The following KCNK3 variants were observed in gnomAD, a reference collection of about 807,000 sequenced individuals.
KCNK3 encodes potassium two pore domain channel subfamily K member 3.
In KCNK3, 9 loss-of-function variants were observed where a neutral mutation model predicts 27.3. The ratio of observed to expected loss-of-function variants is 0.33; its 90% CI spans 0.20 to 0.57. KCNK3 has a LOEUF of 0.57. KCNK3 is among the 20% of genes least tolerant of loss of function. KCNK3 has a pLI of 0.87. For missense variants in KCNK3, 391 were observed against 577.7 expected (o/e 0.68, Z 3.31); for synonymous variants, 278 against 273.8 (o/e 1.02, Z -0.15).
intron 1 of KCNK3, among the ~76,000 whole-genome samples, chr2:26,716,068 C>T (rs548202315): frequency 5.9e-5 from 9 of 152,300 alleles, no homozygotes; most frequent in African/African-American, 1.7e-4. Context: ...AGCGTCTTGC[C>T]TGGGATCACA....
chr2:26,706,298 C>A (rs537773957), intron 1 of KCNK3, among the ~76,000 whole-genome samples: 4 of 152,126 alleles, frequency 2.6e-5, no homozygotes, highest in African/African-American at 4.8e-5. Flanking sequence ...CCCCTCCCCC[C>A]CAGAGGAGGA....
rs60353463 is a variant in KCNK3 at position 26,725,730 on chromosome 2, G to A, written c.284-1937G>A. Reference sequence around the variant, plus strand: ...CAAATGGTGACACAGTTACTGGCCCGACGCTGTGGAGGGGGTCAGGGGAGC... The same window carrying A: ...CAAATGGTGACACAGTTACTGGCCCAACGCTGTGGAGGGGGTCAGGGGAGC... On this transcript the variant is annotated intron_variant, in intron 1 of 1. Transcript: ENST00000302909. Among the ~76,000 whole-genome samples the A allele has an allele frequency of 7.2e-3, 1,090 of 152,298 alleles. 15 individuals are homozygous for A. Among genetic ancestry groups the A allele is most frequent in the African/African-American group, 0.025 (1,021 of 41,560 alleles).
In KCNK3 at chr2:26,732,178, C is replaced by T. The variant is rs950588334; in HGVS notation, c.*3610C>T. ...GCTCCCCAGGTCAGCTACAGCGACC[C>T]CCGGACTTCATAGAGTACAATCCAC... On this transcript the variant is annotated 3_prime_UTR_variant, in exon 2 of 2. Coordinates refer to ENST00000302909, the MANE Select transcript of KCNK3 (RefSeq NM_002246.3). 6.6e-6 allele frequency: 1 copy of T among 151,936 alleles called. No individual in the cohort carries two copies. Among genetic ancestry groups the T allele is most frequent in the East Asian group, 1.9e-4 (1 of 5,192 alleles). The allele number at this position is 151,936 out of a possible 1,614,324, so 9.4% of individuals were successfully genotyped here.
At chr2:26,699,245 G>GAAAGAAA in intron 1 of KCNK3, among the ~76,000 whole-genome samples, 1 of 150,782 alleles carries the variant, frequency 6.6e-6, no homozygotes, top group African/African-American at 2.5e-5. Flanking sequence ...AAGAAAGAAA[G>GAAAGAAA]AAAGAAAGCC....
rs2148039123 is a variant in KCNK3 at position 26,728,539 on chromosome 2, G to T, written c.1156G>T (p.Gly386Cys). The change falls in exon 2 of 2, where the codon GGC becomes TGC. Residue 386 changes from glycine (G) to cysteine (C), a missense_variant. Gly to Cys is a radical substitution (Grantham distance 159, BLOSUM62 -3). Around this residue, in one of 4 missense-constraint regions of KCNK3, gnomAD observed 192 missense variants for 196.0 expected, o/e 0.98. Coordinates refer to ENST00000302909, the MANE Select transcript of KCNK3 (RefSeq NM_002246.3). ...TCTGCACAGCCTGTCCACCTTCCGC[G>T]GCCTCATGAAGCGCAGGAGCTCCGT... ...TGLHSLSTFR[G>C]LMKRRSSV 3 of 1,469,046 alleles carry T rather than the reference G, an allele frequency of 2.0e-6. No homozygotes were observed. The highest frequency in any genetic ancestry group is 2.5e-5 in the East Asian group (1 of 39,500). 91.0% of individuals were successfully genotyped at this position (1,469,046 alleles called of 1,614,324 possible). A position where few individuals can be genotyped will look rare whatever the true frequency, so the allele number is the denominator to read the frequency against.
rs1663469906 is a variant in KCNK3 at position 26,728,373 on chromosome 2, G to A, written c.990G>A (p.Pro330=). Reference sequence around the variant, plus strand: ...AGTACTCCATCCCCATGATCATCCCGCGGGACCTCTCCACGTCCGACACGT... The same window carrying A: ...AGTACTCCATCCCCATGATCATCCCACGGGACCTCTCCACGTCCGACACGT... The part of the protein sequence containing the change: ...KLQYSIPMII[P]RDLSTSDTCV... Residue 330 remains proline (P), a synonymous_variant, in exon 2 of 2, where the codon CCG becomes CCA. Transcript: ENST00000302909. The A allele has an allele frequency of 3.1e-6, 5 of 1,607,718 alleles. No homozygotes were observed. The highest frequency in any genetic ancestry group is 1.7e-5 in the Admixed American group (1 of 59,484).
chr2:26,708,846 T>C (rs554676110), intron 1 of KCNK3, among the ~76,000 whole-genome samples: 1 of 152,306 alleles, frequency 6.6e-6, no homozygotes, highest in South Asian at 2.1e-4. Context: ...GCAGGGAGAC[T>C]GCCAGGCCAC....
chr2:26,716,882 C>T (rs1663239908), intron 1 of KCNK3, among the ~76,000 whole-genome samples: 1 of 152,134 alleles, frequency 6.6e-6, no homozygotes, highest in Non-Finnish European at 1.5e-5. Context: ...TAACAAACAC[C>T]CTGCAGTAGG....
chr2:26,694,134 C>A (rs1056102799), intron 1 of KCNK3, among the ~76,000 whole-genome samples: 2 of 152,154 alleles, frequency 1.3e-5, no homozygotes, highest in South Asian at 2.1e-4. Context: ...CCATCACTAC[C>A]GTGATATATG....
At position 26,732,659 on chromosome 2, in the gene KCNK3, CCACTCCTAAGGCCACCA is replaced by C. The variant is rs1663561634; in HGVS notation, c.*4094_*4110del. On this transcript the variant is annotated 3_prime_UTR_variant, in exon 2 of 2. Transcript: ENST00000302909. ...GGGGGCTTAGTTGCCATTGACTCACCCACTCCTAAGGCCACCACATCAAAATCTGAGGCTTACTGCCC... is the reference window on the plus strand; with the variant it reads ...GGGGGCTTAGTTGCCATTGACTCACCCATCAAAATCTGAGGCTTACTGCCC... 1 of 152,286 alleles carries C rather than the reference CCACTCCTAAGGCCACCA, an allele frequency of 6.6e-6. No homozygotes were observed. Among genetic ancestry groups the C allele is most frequent in the Non-Finnish European group, 1.5e-5 (1 of 68,070 alleles). 9.4% of individuals were successfully genotyped at this position (152,286 alleles called of 1,614,324 possible). A position where few individuals can be genotyped will look rare whatever the true frequency, so the allele number is the denominator to read the frequency against.
At chr2:26,724,891 G>C (rs557248426) in intron 1 of KCNK3, among the ~76,000 whole-genome samples, 1 of 152,252 alleles carries the variant, frequency 6.6e-6, no homozygotes, top group African/African-American at 2.4e-5. Context: ...AAGCACTGTG[G>C]AGAGGAGGGG....
chr2:26,719,557 C>T (rs1663290310), intron 1 of KCNK3, among the ~76,000 whole-genome samples: 1 of 152,198 alleles, frequency 6.6e-6, no homozygotes, highest in Admixed American at 6.5e-5. Flanking sequence ...AAAACATTTC[C>T]CACCTTTGCC....
At chr2:26,714,659 G>A (rs992507617) in intron 1 of KCNK3, among the ~76,000 whole-genome samples, 1 of 151,440 alleles carries the variant, frequency 6.6e-6, no homozygotes, top group Non-Finnish European at 1.5e-5. Flanking sequence ...GCCAAGGTGG[G>A]CGGATCACTT....
Position 26,693,707 on chromosome 2 carries a change from C to A in KCNK3, c.283+549C>A, listed in dbSNP as rs369669442. ...CGTGTTTCAGCTCCAGGAGTTTGGT[C>A]GCCACCAGTCAGTGCCTGTGATTTT... On this transcript the variant is annotated intron_variant, in intron 1 of 1. Transcript: ENST00000302909. This position sits in a 1 kb window ranked among gnomAD's most constrained non-coding sequence, Gnocchi z 5.5. 3.0e-4 allele frequency among the ~76,000 whole-genome samples: 46 copies of A among 152,276 alleles called. No individual in the cohort carries two copies. The highest frequency in any genetic ancestry group is 1.1e-3 in the African/African-American group (46 of 41,548).
intron 1 of KCNK3, among the ~76,000 whole-genome samples, chr2:26,706,728 T>C (rs1381441921): frequency 2.0e-5 from 3 of 152,136 alleles, no homozygotes; most frequent in African/African-American, 7.2e-5. Context: ...AAAGAGGCCC[T>C]GCTGTCCCCT....
rs1169518399 is a variant in KCNK3 at position 26,728,338 on chromosome 2, G to T, written c.955G>T (p.Glu319Ter). The change falls in exon 2 of 2, where the codon GAG (glutamate) becomes TAG (stop). Residue 319 changes from glutamate (E) to a stop codon, truncating the protein, a stop_gained. Transcript: ENST00000302909. LOFTEE classifies it high-confidence loss of function. Reference protein sequence around the residue: ...MCSCLWYKSREKLQYSIPMII... With the variant: ...MCSCLWYKSR ...CTCGTGCCTGTGGTACAAGAGCCGC[G>T]AGAAGCTGCAGTACTCCATCCCCAT... 1.2e-6 allele frequency: 2 copies of T among 1,604,938 alleles called. No homozygotes were observed. Among genetic ancestry groups the T allele is most frequent in the African/African-American group, 2.7e-5 (2 of 74,742 alleles).
In KCNK3 at chr2:26,728,260, G is replaced by T. The variant is rs753913235; in HGVS notation, c.877G>T (p.Gly293Cys). 1 of 1,585,152 alleles carries T rather than the reference G, an allele frequency of 6.3e-7. No individual in the cohort carries two copies. The highest frequency in any genetic ancestry group is 2.3e-5 in the East Asian group (1 of 43,060). The change falls in exon 2 of 2, where the codon GGC becomes TGC. Residue 293 changes from glycine to cysteine, a missense_variant. Coordinates refer to ENST00000302909, the MANE Select transcript of KCNK3 (RefSeq NM_002246.3). ...CGCCTCATCCACGGCGGCAGCGGGC[G>T]GCGGCGGCTTCCGCAACGTCTACGC... ...DTASSTAAAGGGGFRNVYAEV... is the reference protein window; with the variant it reads ...DTASSTAAAGCGGFRNVYAEV...
intron 1 of KCNK3, among the ~76,000 whole-genome samples, chr2:26,717,512 G>C (rs755985964): frequency 3.3e-5 from 5 of 152,246 alleles, no homozygotes; most frequent in Non-Finnish European, 5.9e-5. Flanking sequence ...TCCGCGAAGA[G>C]GGCCAAGTCC....
intron 1 of KCNK3, among the ~76,000 whole-genome samples, chr2:26,719,511 C>T (rs1478088336): frequency 6.6e-6 from 1 of 152,200 alleles, no homozygotes; most frequent in Non-Finnish European, 1.5e-5. Context: ...TTCTCTATGT[C>T]CAGCCCTCCT....
Sources: gnomAD v4.1 joint callset for allele counts (sites outside exome capture counted in the v4.1 genomes callset) on GRCh38, gnomAD v4.1.1 for gene constraint, gnomAD v4.1.1 regional missense constraint, Gnocchi (gnomAD v3.1) non-coding constraint, MANE v1.5 for transcripts, NCBI Gene and HGNC (gene_info 2026-07-23, HGNC 2026-07-21) for gene names.